The following EIF4E variants were observed in gnomAD, a reference collection of about 807,000 sequenced individuals.
The protein encoded by EIF4E is eukaryotic translation initiation factor 4E.
For synonymous variants in EIF4E, 71 were observed against 88.5 expected (o/e 0.80, Z 1.11); for missense variants, 113 against 265.6 (o/e 0.43, Z 3.99).
At chr4:98,893,404 C>T (rs752130003) in intron 2 of EIF4E, among the ~76,000 whole-genome samples, 3 of 152,190 alleles carry the variant, frequency 2.0e-5, no homozygotes, top group Non-Finnish European at 4.4e-5. Flanking sequence ...AAGCATTTTA[C>T]ATAGTAGAAT....
rs767528086 is a variant in EIF4E, at chr4:98,909,907, C to A, written c.19-7925G>T. On this transcript the variant is annotated intron_variant, in intron 1 of 6. Transcript: ENST00000450253. ...AGAGCCAGGGTAATCATGGAGGAGGCGGCTGTCAGTCCTCAGTTCTTTTCA... is the reference window on the plus strand; with the variant it reads ...AGAGCCAGGGTAATCATGGAGGAGGAGGCTGTCAGTCCTCAGTTCTTTTCA... 4.9e-5 allele frequency: 28 copies of A among 571,570 alleles called. No homozygotes were observed. The South Asian group carries it at 5.4e-4, about 11-fold the overall frequency. The allele number at this position is 571,570 out of a possible 1,614,324, so 35.4% of individuals were successfully genotyped here.
chr4:98,927,694 A>G (rs559176847), intron 1 of EIF4E, among the ~76,000 whole-genome samples: 52 of 149,828 alleles, frequency 3.5e-4, no homozygotes, highest in African/African-American at 1.2e-3. Flanking sequence ...AAAGTCTTTA[A>G]AAGTCAAAGC....
Position 98,908,166 on chromosome 4 carries a change from C to A in EIF4E, c.19-6184G>T, listed in dbSNP as rs186897162. 7.1e-3 allele frequency among the ~76,000 whole-genome samples: 1,083 copies of A among 152,214 alleles called. 5 individuals carry two copies. The highest frequency in any genetic ancestry group is 0.015 in the South Asian group (71 of 4,824). The stretch of plus-strand genomic sequence containing the variant: ...TCTATCCTCAGATCCTTACACCAGA[C>A]CTTCCCCACCTTCACCCCACCCCCA... On this transcript the variant is annotated intron_variant, in intron 1 of 6. Transcript: ENST00000450253.
At chr4:98,881,225 T>TA (rs1293393990) in intron 6 of EIF4E, 83 bp from the exon 7 acceptor site, 1 of 1,517,848 alleles carries the variant, frequency 6.6e-7, no homozygotes, top group African/African-American at 1.4e-5. Flanking sequence ...TTAGGGTTAT[T>TA]AGTCTTTATA....
intron 1 of EIF4E, among the ~76,000 whole-genome samples, chr4:98,902,946 C>T (rs1044470563): frequency 6.6e-6 from 1 of 152,206 alleles, no homozygotes; most frequent in African/African-American, 2.4e-5. Context: ...ACTGTTTACC[C>T]TATCGTAACC....
At chr4:98,901,577 T>C (rs1724650895) in intron 2 of EIF4E, among the ~76,000 whole-genome samples, 1 of 152,212 alleles carries the variant, frequency 6.6e-6, no homozygotes, top group Non-Finnish European at 1.5e-5. Flanking sequence ...TCCTATATGA[T>C]GCTAGTATCC....
chr4:98,911,340 G>A (rs1228788827), intron 1 of EIF4E, among the ~76,000 whole-genome samples: 5 of 144,614 alleles, frequency 3.5e-5, no homozygotes, highest in Admixed American at 6.9e-5. Flanking sequence ...GAGCCACCGC[G>A]CCCAGCACAT....
chr4:98,899,618 T>C (rs918888308), intron 2 of EIF4E, among the ~76,000 whole-genome samples: 1 of 152,144 alleles, frequency 6.6e-6, no homozygotes, highest in Non-Finnish European at 1.5e-5. Context: ...CAGCACTGTG[T>C]GTAAAAAGAA....
chr4:98,925,091 T>C (rs1171366932), intron 1 of EIF4E, among the ~76,000 whole-genome samples: 5 of 152,198 alleles, frequency 3.3e-5, no homozygotes, highest in Non-Finnish European at 7.3e-5. Flanking sequence ...AATATGTATA[T>C]AAACCTTATT....
intron 6 of EIF4E, among the ~76,000 whole-genome samples, chr4:98,882,227 C>T (rs1042304110): frequency 6.6e-5 from 10 of 151,874 alleles, no homozygotes; most frequent in African/African-American, 2.4e-4. Flanking sequence ...CCCGCCTCTA[C>T]TAAAAATACA....
intron 1 of EIF4E, chr4:98,903,426 C>T (rs537646571): frequency 8.1e-5 from 37 of 454,538 alleles, no homozygotes; most frequent in South Asian, 5.7e-4. Context: ...ACTGCAGCCT[C>T]AATCTCCCTG....
chr4:98,882,116 G>A (rs1723716328), intron 6 of EIF4E, among the ~76,000 whole-genome samples: 1 of 152,162 alleles, frequency 6.6e-6, no homozygotes, highest in African/African-American at 2.4e-5. Flanking sequence ...TCTTTGGCTG[G>A]GCGCGGTGGC....
intron 1 of EIF4E, among the ~76,000 whole-genome samples, chr4:98,911,523 G>A (rs746764143): frequency 1.2e-4 from 18 of 150,008 alleles, no homozygotes; most frequent in Non-Finnish European, 2.1e-4. Context: ...GCAGGGCGTG[G>A]TGGCACATAC....
Position 98,887,356 on chromosome 4 carries a change from G to C in EIF4E, c.286-164C>G, listed in dbSNP as rs1723964934. ...ACAGCACATAAGACTTAAAGCCAGA[G>C]GCATGACATTGCAGAATTAGAGTCC... On this transcript the variant is annotated intron_variant, in intron 4 of 6. Transcript: ENST00000450253. The surrounding 1 kb of genome is among the most constrained non-coding windows in gnomAD (Gnocchi z 4.0). Among the ~76,000 whole-genome samples the C allele has an allele frequency of 6.6e-6, 1 of 152,160 alleles. No homozygotes were observed. Among genetic ancestry groups the C allele is most frequent in the South Asian group, 2.1e-4 (1 of 4,828 alleles).
chr4:98,895,594 T>C (rs1404919448), intron 2 of EIF4E: 1 of 152,190 alleles, frequency 6.6e-6, no homozygotes, highest in Non-Finnish European at 1.5e-5. Flanking sequence ...CATTTCAACA[T>C]GTACTTGATA....
chr4:98,910,937 GC>G (rs1464817047), intron 1 of EIF4E, among the ~76,000 whole-genome samples: 3 of 151,880 alleles, frequency 2.0e-5, no homozygotes, highest in Non-Finnish European at 4.4e-5. Context: ...CACCACTTTG[GC>G]CCAGCTGGTC....
chr4:98,900,190 C>T (rs1724587370), intron 2 of EIF4E, among the ~76,000 whole-genome samples: 1 of 151,834 alleles, frequency 6.6e-6, no homozygotes, highest in South Asian at 2.1e-4. Context: ...GGTTTTGGTG[C>T]TACTATTAGG....
intron 1 of EIF4E, among the ~76,000 whole-genome samples, chr4:98,917,944 C>T (rs778637281): frequency 2.0e-5 from 3 of 151,436 alleles, no homozygotes; most frequent in Admixed American, 6.6e-5. Flanking sequence ...GGCGTGGTGG[C>T]GCACACCTGT....
At chr4:98,881,625 C>A (rs903270368) in intron 6 of EIF4E, among the ~76,000 whole-genome samples, 1 of 151,956 alleles carries the variant, frequency 6.6e-6, no homozygotes, top group Non-Finnish European at 1.5e-5. Context: ...ACGTCTGAAC[C>A]CTAGCAAATA....
Sources: allele counts gnomAD v4.1 joint callset (sites outside exome capture counted in the v4.1 genomes callset), GRCh38; gene constraint gnomAD v4.1.1; non-coding constraint Gnocchi (gnomAD v3.1); transcripts MANE v1.5; gene names NCBI Gene and HGNC (gene_info 2026-07-23, HGNC 2026-07-21).